CMIP: variants seen among roughly 807,000 people sequenced by gnomAD.
CMIP encodes c-Maf inducing protein, also known as C-Maf-inducing protein.
Under a neutral mutation model 97.3 loss-of-function variants are expected in CMIP, and 13 were observed. The ratio of observed to expected loss-of-function variants is 0.13; its 90% confidence interval spans 0.09 to 0.21. CMIP has a LOEUF of 0.21. CMIP is among the 10% of genes least tolerant of loss of function. The pLI is 1.00. For synonymous variants in CMIP, 538 were observed against 436.3 expected (o/e 1.23, Z -2.91); for missense variants, 847 against 1,024.9 (o/e 0.83, Z 2.37).
chr16:81,670,028 C>G, intron 7 of CMIP, 114 bp from the exon 8 acceptor site: 1 of 984,308 alleles, frequency 1.0e-6, no homozygotes, highest in Non-Finnish European at 1.5e-6. Context: ...TTGCCTTCCA[C>G]ATCAACAGCT....
intron 1 of CMIP, among the ~76,000 whole-genome samples, chr16:81,462,850 G>C (rs563290236): frequency 6.6e-6 from 1 of 152,292 alleles, no homozygotes; most frequent in Non-Finnish European, 1.5e-5. Context: ...CTGGCTCTCA[G>C]TGTGACCTTG....
intron 8 of CMIP, among the ~76,000 whole-genome samples, chr16:81,670,723 CAGTTAGTGTGATG>C (rs2092675811): frequency 6.6e-6 from 1 of 151,924 alleles, no homozygotes; most frequent in Admixed American, 6.6e-5. Flanking sequence ...ATCCCTCGCC[CAGTTAGTGTGATG>C]CTCCAGTGAG....
chr16:81,554,716 G>T (rs149656382), intron 1 of CMIP, among the ~76,000 whole-genome samples: 3 of 152,166 alleles, frequency 2.0e-5, no homozygotes, highest in Non-Finnish European at 4.4e-5. Flanking sequence ...ACCCTGGGCA[G>T]GCAACTTTAT....
At chr16:81,604,206 C>T (rs556968412) in intron 1 of CMIP, among the ~76,000 whole-genome samples, 1 of 151,654 alleles carries the variant, frequency 6.6e-6, no homozygotes, top group African/African-American at 2.4e-5. Context: ...CCAGCCTGGC[C>T]AACATGGTGA....
In CMIP at chr16:81,521,007, C is replaced by T. The variant is rs575877178; in HGVS notation, c.300+75466C>T. On this transcript the variant is annotated intron_variant, in intron 1 of 20. Transcript: ENST00000537098. ...GTGTCAGAAAAAGGACCCCCCGCCC[C>T]CTGGGCTCTTCACTGATGCATTTTG... Among the ~76,000 whole-genome samples, 3 of 152,326 alleles carry T rather than the reference C, an allele frequency of 2.0e-5. No homozygotes were observed. The South Asian group carries it at 6.2e-4, about 32-fold the overall frequency.
At chr16:81,656,210 C>T (rs978879023) in intron 4 of CMIP, among the ~76,000 whole-genome samples, 7 of 152,178 alleles carry the variant, frequency 4.6e-5, no homozygotes, top group East Asian at 1.9e-4. Context: ...CACGGCCTCC[C>T]GCAGCCCTCG....
intron 10 of CMIP, among the ~76,000 whole-genome samples, chr16:81,687,042 G>T (rs1325122568): frequency 6.6e-6 from 1 of 152,178 alleles, no homozygotes; most frequent in African/African-American, 2.4e-5. Context: ...TGCAAGCCAG[G>T]ATCGAAGTCA....
chr16:81,628,691 A>G (rs2092108093), intron 3 of CMIP, among the ~76,000 whole-genome samples: 1 of 152,078 alleles, frequency 6.6e-6, no homozygotes, highest in South Asian at 2.1e-4. Flanking sequence ...CACGCTACCC[A>G]GACACTTCTC....
At chr16:81,491,034 C>G (rs1315637684) in intron 1 of CMIP, among the ~76,000 whole-genome samples, 5 of 152,168 alleles carry the variant, frequency 3.3e-5, no homozygotes, top group African/African-American at 1.2e-4. Flanking sequence ...GACTGCTTGA[C>G]TGCATAGCCT....
chr16:81,602,400 C>T (rs190106405), intron 1 of CMIP, among the ~76,000 whole-genome samples: 3 of 152,354 alleles, frequency 2.0e-5, no homozygotes, highest in Middle Eastern at 3.4e-3. Flanking sequence ...CGTCATCTTC[C>T]AAATTACCTT....
At chr16:81,479,931 G>C (rs1908157247) in intron 1 of CMIP, among the ~76,000 whole-genome samples, 1 of 152,168 alleles carries the variant, frequency 6.6e-6, no homozygotes, top group South Asian at 2.1e-4. Context: ...TGAAAGCTTG[G>C]ATTTCTTGAG....
intron 3 of CMIP, among the ~76,000 whole-genome samples, chr16:81,643,464 G>T (rs1035771163): frequency 1.3e-5 from 2 of 152,224 alleles, no homozygotes; most frequent in African/African-American, 4.8e-5. Context: ...ACACAACACT[G>T]TGCTAAACGC....
chr16:81,708,209 CACAGA>C (rs1908367157), intron 20 of CMIP, among the ~76,000 whole-genome samples: 1 of 152,322 alleles, frequency 6.6e-6, no homozygotes, highest in East Asian at 1.9e-4. Flanking sequence ...ACGTATGGGA[CACAGA>C]AGGTGGCAGG....
chr16:81,691,920 C>T, intron 11 of CMIP, 80 bp downstream of exon 11: 1 of 1,247,532 alleles, frequency 8.0e-7, no homozygotes, highest in Admixed American at 1.8e-5. Flanking sequence ...AGTGGGGGGC[C>T]AGTCATGTTA....
At chr16:81,673,399 T>G (rs2092700299) in intron 9 of CMIP, among the ~76,000 whole-genome samples, 1 of 152,100 alleles carries the variant, frequency 6.6e-6, no homozygotes, top group Non-Finnish European at 1.5e-5. Flanking sequence ...ATGACTGTAC[T>G]CAGCTACTCA....
chr16:81,585,998 TG>T (rs2091376129), intron 1 of CMIP, among the ~76,000 whole-genome samples: 2 of 152,126 alleles, frequency 1.3e-5, no homozygotes, highest in South Asian at 4.1e-4. Flanking sequence ...TTAGTGAACG[TG>T]TGGTCCAGGG....
At chr16:81,505,154 C>G (rs1176117372) in intron 1 of CMIP, among the ~76,000 whole-genome samples, 1 of 152,264 alleles carries the variant, frequency 6.6e-6, no homozygotes, top group Non-Finnish European at 1.5e-5. Context: ...TGTGCTTCTG[C>G]TGTCCTGGAG....
intron 19 of CMIP, 23 bp from the exon 20 acceptor site, chr16:81,706,991 A>G (rs745997048): frequency 2.2e-5 from 36 of 1,611,434 alleles, no homozygotes; most frequent in Non-Finnish European, 2.7e-5. Flanking sequence ...CTCTCCTAAC[A>G]ACTGTATCTG....
At chr16:81,679,775 G>A (rs1904680781) in intron 10 of CMIP, among the ~76,000 whole-genome samples, 1 of 151,982 alleles carries the variant, frequency 6.6e-6, no homozygotes, top group Non-Finnish European at 1.5e-5. Context: ...GACCCCTAAG[G>A]GTCTCTCCAG....
Sources: allele counts gnomAD v4.1 joint callset (sites outside exome capture counted in the v4.1 genomes callset), GRCh38; gene constraint gnomAD v4.1.1; transcripts MANE v1.5; gene names NCBI Gene and HGNC (gene_info 2026-07-23, HGNC 2026-07-21).